The following VIPR2 variants were observed in gnomAD, a reference collection of about 807,000 sequenced individuals.
The protein encoded by VIPR2 is vasoactive intestinal polypeptide receptor 2.
VIPR2 carries 48 observed loss-of-function variants against 58.0 expected under a neutral mutation model. The observed-to-expected ratio is 0.83, with a 90% CI of 0.66 to 1.05. VIPR2 has a LOEUF of 1.05. VIPR2 is among the 50% of genes least tolerant of loss of function. VIPR2 has a pLI of 0.00. For missense variants in VIPR2, 534 were observed against 558.0 expected (o/e 0.96, Z 0.43); for synonymous variants, 243 against 235.2 (o/e 1.03, Z -0.30).
chr7:159,062,151 G>A (rs950175879), intron 4 of VIPR2, among the ~76,000 whole-genome samples: 3 of 152,288 alleles, frequency 2.0e-5, no homozygotes, highest in South Asian at 2.1e-4. Flanking sequence ...TGGGGGGCCC[G>A]CGGGCCTTCC....
intron 3 of VIPR2, among the ~76,000 whole-genome samples, chr7:159,105,490 C>T (rs1206428241): frequency 6.6e-6 from 1 of 152,154 alleles, no homozygotes; most frequent in East Asian, 1.9e-4. Context: ...GAGTGGGGTG[C>T]GTGCATGATT....
intron 2 of VIPR2, among the ~76,000 whole-genome samples, chr7:159,132,924 CAGACAGAATGATTGGCATACAGATTG>C (rs1797020845): frequency 1.2e-4 from 3 of 25,844 alleles, no homozygotes; most frequent in Admixed American, 3.9e-4. Context: ...AGATTGATTT[CAGACAGAATGATTGGCATACAGATTG>C]ATTTCAGACA....
chr7:159,065,655 A>G (rs1019547513), intron 4 of VIPR2, among the ~76,000 whole-genome samples: 11 of 152,272 alleles, frequency 7.2e-5, no homozygotes, highest in African/African-American at 2.2e-4. Flanking sequence ...CAGATTGACC[A>G]GGAAAATTTT....
At chr7:159,033,482 CT>C (rs572276691) in intron 10 of VIPR2, among the ~76,000 whole-genome samples, 10 of 152,024 alleles carry the variant, frequency 6.6e-5, no homozygotes, top group Non-Finnish European at 4.4e-5. Flanking sequence ...TGGTTTTTAC[CT>C]TTTTAAAAAA....
chr7:159,068,859 T>C (rs987527717), intron 4 of VIPR2, among the ~76,000 whole-genome samples: 2 of 151,946 alleles, frequency 1.3e-5, no homozygotes, highest in Non-Finnish European at 1.5e-5. Context: ...GTGATCAGAG[T>C]TCAGACTAAA....
intron 3 of VIPR2, among the ~76,000 whole-genome samples, chr7:159,106,185 C>T (rs1340899112): frequency 6.6e-6 from 1 of 152,256 alleles, no homozygotes; most frequent in African/African-American, 2.4e-5. Context: ...CGAGGTGCAG[C>T]CTTTTCTCCT....
intron 2 of VIPR2, among the ~76,000 whole-genome samples, chr7:159,116,601 C>T (rs977921093): frequency 4.6e-5 from 7 of 152,158 alleles, no homozygotes; most frequent in African/African-American, 1.4e-4. Flanking sequence ...TAGACTAAGT[C>T]GTTCAGAAAA....
At chr7:159,101,347 G>T (rs1286215858) in intron 4 of VIPR2, among the ~76,000 whole-genome samples, 2 of 145,212 alleles carry the variant, frequency 1.4e-5, no homozygotes, top group African/African-American at 5.2e-5. Flanking sequence ...GACTGTTCCT[G>T]TGGTAGTGAA....
chr7:159,142,246 T>C (rs1797499945), intron 2 of VIPR2, among the ~76,000 whole-genome samples, 200 bp downstream of exon 2: 2 of 152,240 alleles, frequency 1.3e-5, no homozygotes, highest in Admixed American at 1.3e-4. Flanking sequence ...GTTATCTTTT[T>C]AAAGGTGTGT....
At chr7:159,034,726 C>T in intron 8 of VIPR2, 76 bp from the exon 9 acceptor site, 1 of 1,246,080 alleles carries the variant, frequency 8.0e-7, no homozygotes. Flanking sequence ...GAGCGCCTGC[C>T]CCTCCCAACT....
In VIPR2 at chr7:159,143,243, C is replaced by G. The variant is rs1011441251; in HGVS notation, c.52-698G>C. 7.2e-5 allele frequency among the ~76,000 whole-genome samples: 11 copies of G among 152,332 alleles called. 1 individual carries two copies. The highest frequency in any genetic ancestry group is 6.5e-4 in the Admixed American group (10 of 15,306). ...AAGAAGGCAGAACTACACAATGCTTCCTCTCAGAAGGCACCGTTTCTACCT... is the reference window on the plus strand; with the variant it reads ...AAGAAGGCAGAACTACACAATGCTTGCTCTCAGAAGGCACCGTTTCTACCT... On this transcript the variant is annotated intron_variant, in intron 1 of 12. Coordinates refer to ENST00000262178, the MANE Select transcript of VIPR2 (RefSeq NM_003382.5).
chr7:159,062,843 T>C (rs1421040612), intron 4 of VIPR2, among the ~76,000 whole-genome samples: 1 of 110,792 alleles, frequency 9.0e-6, no homozygotes, highest in Non-Finnish European at 2.1e-5. Flanking sequence ...CTGATTGGTC[T>C]GTTTTACTGA....
intron 9 of VIPR2, 63 bp downstream of exon 9, chr7:159,034,518 G>A: frequency 6.7e-7 from 1 of 1,497,948 alleles, no homozygotes. Context: ...AGGATGGCAG[G>A]CTTGCTGTCT....
chr7:159,096,887 G>T lies in VIPR2; in HGVS notation c.357+6870C>A. ...CATGGCTGAGACCACCCTCTCTGTG[G>T]CCGCCTTGCTGTCCCCGTTCCCATC... On this transcript the variant is annotated intron_variant, in intron 4 of 12. Transcript: ENST00000262178. This position sits in a 1 kb window ranked among gnomAD's most constrained non-coding sequence, Gnocchi z 5.5. The T allele has an allele frequency of 6.5e-7, 1 of 1,549,010 alleles. No homozygotes were observed.
intron 4 of VIPR2, among the ~76,000 whole-genome samples, chr7:159,063,627 A>G (rs1855857142): frequency 6.6e-6 from 1 of 150,586 alleles, no homozygotes; most frequent in South Asian, 2.1e-4. Context: ...CAGAGTGGGC[A>G]CCGAGGCAGA....
Position 159,035,941 on chromosome 7 carries a change from C to T in VIPR2, c.809+11G>A, listed in dbSNP as rs1853917733. 4 of 1,613,042 alleles carry T rather than the reference C, an allele frequency of 2.5e-6. No homozygotes were observed. In the South Asian group the frequency reaches 3.3e-5, roughly 13 times the overall value. On this transcript the variant is annotated intron_variant, in intron 8 of 12. Coordinates refer to ENST00000262178, the MANE Select transcript of VIPR2 (RefSeq NM_003382.5). The stretch of plus-strand genomic sequence containing the variant: ...CCCGTTTTCGAGGTTGCAGTCTGGT[C>T]ATGGACTCACCCGGTGTCTTCTAAG...
At position 159,099,838 on chromosome 7, in the gene VIPR2, G is replaced by T. The variant is rs1368946610; in HGVS notation, c.357+3919C>A. Among the ~76,000 whole-genome samples, 1 of 152,096 alleles carries T rather than the reference G, an allele frequency of 6.6e-6. No individual in the cohort carries two copies. The highest frequency in any genetic ancestry group is 6.5e-5 in the Admixed American group (1 of 15,276). On this transcript the variant is annotated intron_variant, in intron 4 of 12. Transcript: ENST00000262178. The surrounding 1 kb of genome is among the most constrained non-coding windows in gnomAD (Gnocchi z 4.2). ...TTCCTATGGAAGCCTGGGGCAGATG[G>T]TATTATCACTGCTGTGATCTCACAC...
At chr7:159,139,494 G>A (rs915800856) in intron 2 of VIPR2, among the ~76,000 whole-genome samples, 6 of 152,224 alleles carry the variant, frequency 3.9e-5, no homozygotes, top group Admixed American at 2.6e-4. Flanking sequence ...TGTGGCAGGC[G>A]ACGTTGTTAG....
At chr7:159,103,111 C>G (rs184747089) in intron 4 of VIPR2, among the ~76,000 whole-genome samples, 1 of 152,188 alleles carries the variant, frequency 6.6e-6, no homozygotes, top group African/African-American at 2.4e-5. Context: ...ATCCCACACT[C>G]GGGAGAAACA....
Sources: gnomAD v4.1 joint callset for allele counts (sites outside exome capture counted in the v4.1 genomes callset) on GRCh38, gnomAD v4.1.1 for gene constraint, Gnocchi (gnomAD v3.1) non-coding constraint, MANE v1.5 for transcripts, NCBI Gene and HGNC (gene_info 2026-07-23, HGNC 2026-07-21) for gene names.